Variants in SNTG2 observed in about 807,000 individuals in gnomAD.
SNTG2 encodes syntrophin gamma 2, also known as gamma-2-syntrophin.
SNTG2 carries 74 observed loss-of-function variants against 70.9 expected under a neutral mutation model. That is an observed-to-expected ratio of 1.04 (90% CI 0.86 to 1.27). SNTG2 has a LOEUF of 1.27. Ranked by LOEUF, SNTG2 falls within the 50% of genes most tolerant of loss-of-function variation. The probability of loss-of-function intolerance (pLI) is 0.00; values close to 1 mark genes in which losing one functional copy is unlikely to be tolerated. For synonymous variants in SNTG2, 278 were observed against 273.8 expected, an observed-to-expected ratio of 1.02 and a Z score of -0.15; for missense variants, 717 against 690.7, an observed-to-expected ratio of 1.04 and a Z score of -0.43.
intron 15 of SNTG2, among the ~76,000 whole-genome samples, chr2:1,309,917 G>A (rs13430785): frequency 0.014 from 2,119 of 152,280 alleles, 46 homozygotes; most frequent in African/African-American, 0.047. Flanking sequence ...TGGACCTGCT[G>A]GTTCCAGTCT....
At chr2:1,229,832 G>T (rs1040636830) in intron 9 of SNTG2, among the ~76,000 whole-genome samples, 2 of 152,238 alleles carry the variant, frequency 1.3e-5, no homozygotes, top group South Asian at 2.1e-4. Flanking sequence ...CTCCGCAGCC[G>T]CTGGCCCGGG....
rs575519691 is a variant in SNTG2, at chr2:1,121,614, C to T, written c.326-16008C>T. 7.9e-5 allele frequency among the ~76,000 whole-genome samples: 12 copies of T among 152,210 alleles called. No individual in the cohort carries two copies. In the East Asian group the frequency reaches 1.5e-3, roughly 20 times the overall value. On this transcript the variant is annotated intron_variant, in intron 4 of 16. Coordinates refer to ENST00000308624, the MANE Select transcript of SNTG2 (RefSeq NM_018968.4). ...GGGGAGGCGTCAGAAGACTTACAAT[C>T]ATAGTAGAAGGTAAAGGGGAAGCAA... is the stretch of plus-strand genomic sequence containing the variant.
intron 8 of SNTG2, among the ~76,000 whole-genome samples, chr2:1,189,804 C>T (rs1672467878): frequency 6.6e-6 from 1 of 152,122 alleles, no homozygotes; most frequent in Admixed American, 6.5e-5. Flanking sequence ...ACTTTGGCCT[C>T]CCAAAGTGCT....
chr2:1,246,401 C>T (rs552463373), intron 11 of SNTG2, among the ~76,000 whole-genome samples: 4 of 152,192 alleles, frequency 2.6e-5, no homozygotes, highest in Non-Finnish European at 5.9e-5. Flanking sequence ...CATCCTGGAG[C>T]TGGCGCCGGC....
At chr2:1,232,491 T>C (rs1193036946) in intron 9 of SNTG2, among the ~76,000 whole-genome samples, 1 of 151,984 alleles carries the variant, frequency 6.6e-6, no homozygotes, top group Non-Finnish European at 1.5e-5. Context: ...AGAGACGGGG[T>C]TTCACCATGT....
At chr2:972,202 T>C (rs73165795) in intron 1 of SNTG2, among the ~76,000 whole-genome samples, 52,257 of 152,034 alleles carry the variant, frequency 0.34, 9,773 homozygotes, top group Middle Eastern at 0.47. Context: ...CTCTAGTTTT[T>C]GGCCTTCATG....
intron 1 of SNTG2, among the ~76,000 whole-genome samples, chr2:1,036,562 CTA>C (rs1484683277): frequency 6.6e-6 from 1 of 152,018 alleles, no homozygotes; most frequent in African/African-American, 2.4e-5. Flanking sequence ...TAATTTGATT[CTA>C]TGTTTCTATG....
intron 4 of SNTG2, among the ~76,000 whole-genome samples, chr2:1,121,144 T>G (rs1244842641): frequency 6.6e-6 from 1 of 152,030 alleles, no homozygotes; most frequent in East Asian, 1.9e-4. Flanking sequence ...AGTATTGCCC[T>G]GAACAATCAA....
intron 8 of SNTG2, among the ~76,000 whole-genome samples, chr2:1,188,292 C>T (rs1672369403): frequency 6.6e-6 from 1 of 151,244 alleles, no homozygotes; most frequent in African/African-American, 2.4e-5. Flanking sequence ...GAAGAAATTA[C>T]AAAAAACCTG....
chr2:1,323,449 G>A lies in SNTG2; in HGVS notation c.1488+7074G>A, dbSNP rs537444329. Among the ~76,000 whole-genome samples, 4 of 150,420 alleles carry A rather than the reference G, an allele frequency of 2.7e-5. No homozygotes were observed. The South Asian group carries it at 8.5e-4, about 32-fold the overall frequency. ...CCCATAGGCTGGGACATGGCTCACA[G>A]TCACATGCCTGAGACCCCCCAGTAG... On this transcript the variant is annotated intron_variant, in intron 16 of 16. Coordinates refer to ENST00000308624, the MANE Select transcript of SNTG2 (RefSeq NM_018968.4).
rs1312579681 is a variant in SNTG2 at position 1,032,823 on chromosome 2, G to GAGAA, written c.73-50694_73-50693insGAAA. Among the ~76,000 whole-genome samples the GAGAA allele has an allele frequency of 7.9e-5, 12 of 152,076 alleles. 1 individual carries two copies. Among genetic ancestry groups the GAGAA allele is most frequent in the Admixed American group, 7.9e-4 (12 of 15,276 alleles). Reference sequence around the variant, plus strand: ...GTATCTACCCTTGGTCACTGTGTTAGATCATTCTTGTGTCACTATAAAGAA... The same window carrying GAGAA: ...GTATCTACCCTTGGTCACTGTGTTAGAGAAATCATTCTTGTGTCACTATAAAGAA... On this transcript the variant is annotated intron_variant, in intron 1 of 16. Transcript: ENST00000308624.
rs1668489665 is a variant in SNTG2 at position 1,137,748 on chromosome 2, T to C, written c.370-20T>C. The C allele has an allele frequency of 6.2e-7, 1 of 1,613,836 alleles. No homozygotes were observed. Among genetic ancestry groups the C allele is most frequent in the South Asian group, 1.1e-5 (1 of 91,058 alleles). Reference sequence around the variant, plus strand: ...TAATCAATCGTTATTCTCAACATTCTTACTTTGTCATCTGTTCAGGTTAAT... The same window carrying C: ...TAATCAATCGTTATTCTCAACATTCCTACTTTGTCATCTGTTCAGGTTAAT... On this transcript the variant is annotated intron_variant, in intron 5 of 16. Transcript: ENST00000308624.
At chr2:1,202,310 G>GTTAACTTGTTCCATT (rs142031261) in intron 8 of SNTG2, among the ~76,000 whole-genome samples, 2 of 151,816 alleles carry the variant, frequency 1.3e-5, no homozygotes, top group Non-Finnish European at 2.9e-5. Flanking sequence ...GGCACAGTCA[G>GTTAACTTGTTCCATT]TTGAGGTTTT....
intron 14 of SNTG2, among the ~76,000 whole-genome samples, chr2:1,306,258 C>T (rs1377043561): frequency 1.3e-5 from 2 of 151,828 alleles, no homozygotes; most frequent in Non-Finnish European, 2.9e-5. Flanking sequence ...GTGTGTGTGG[C>T]GTTGGCTGGA....
At chr2:1,319,851 G>A (rs1681441033) in intron 16 of SNTG2, among the ~76,000 whole-genome samples, 1 of 152,208 alleles carries the variant, frequency 6.6e-6, no homozygotes, top group Admixed American at 6.5e-5. Flanking sequence ...TGGCAGCTGG[G>A]AAATGAAAAC....
intron 8 of SNTG2, among the ~76,000 whole-genome samples, chr2:1,185,601 T>A: frequency 6.6e-6 from 1 of 152,210 alleles, no homozygotes; most frequent in Admixed American, 6.5e-5. Context: ...TCACCAAGGA[T>A]TACAACTTGC....
intron 6 of SNTG2, among the ~76,000 whole-genome samples, chr2:1,153,294 ACAT>A (rs1169499422): frequency 6.6e-6 from 1 of 152,218 alleles, no homozygotes; most frequent in Non-Finnish European, 1.5e-5. Flanking sequence ...GTTTTAGGGT[ACAT>A]GTGCACAACG....
At chr2:1,338,332 C>T (rs958475247) in intron 16 of SNTG2, among the ~76,000 whole-genome samples, 1 of 152,096 alleles carries the variant, frequency 6.6e-6, no homozygotes, top group African/African-American at 2.4e-5. Flanking sequence ...ATATGGGATG[C>T]CTTTCCATTT....
Position 1,267,572 on chromosome 2 carries a change from G to T in SNTG2, c.1284+1G>T, listed in dbSNP as rs1572894205. 6.2e-6 allele frequency: 10 copies of T among 1,612,216 alleles called. No homozygotes were observed. In the Middle Eastern group the frequency reaches 6.2e-4, roughly 101 times the overall value. On this transcript the variant is annotated splice_donor_variant, in intron 14 of 16. Transcript: ENST00000308624. LOFTEE classifies it high-confidence loss of function. ...GTTCATGGAAGTTCAGAGAACCGGGGTAAGTGAACAACTCACACTCTTCTC... is the reference window on the plus strand; with the variant it reads ...GTTCATGGAAGTTCAGAGAACCGGGTTAAGTGAACAACTCACACTCTTCTC...
Sources: gnomAD v4.1 joint callset for allele counts (sites outside exome capture counted in the v4.1 genomes callset) on GRCh38, gnomAD v4.1.1 for gene constraint, MANE v1.5 for transcripts, NCBI Gene and HGNC (gene_info 2026-07-23, HGNC 2026-07-21) for gene names.